Variants in SCN4A observed in about 807,000 individuals in gnomAD.
The protein encoded by SCN4A is sodium voltage-gated channel alpha subunit 4.
In SCN4A, 83 loss-of-function variants were observed where a neutral mutation model predicts 162.0. The ratio of observed to expected loss-of-function variants is 0.51; its 90% CI spans 0.43 to 0.61. The LOEUF (loss-of-function observed/expected upper bound fraction) is 0.61, where lower values mean the gene tolerates loss of function less well. Among genes scored for constraint, SCN4A ranks in the 20% least tolerant of loss-of-function variants. SCN4A has a pLI of 0.00. For missense variants in SCN4A, 2,196 were observed against 2,462.5 expected, an observed-to-expected ratio of 0.89 and a Z score of 2.29; for synonymous variants, 944 against 985.1, an observed-to-expected ratio of 0.96 and a Z score of 0.78.
intron 13 of SCN4A, among the ~76,000 whole-genome samples, chr17:63,955,999 G>A (rs941655822): frequency 6.6e-5 from 10 of 152,240 alleles, no homozygotes; most frequent in Non-Finnish European, 1.5e-4. Context: ...GCTGGGCACA[G>A]CACTGCAGGG....
At chr17:63,948,471 A>G in intron 16 of SCN4A, 140 bp downstream of exon 16, 1 of 694,714 alleles carries the variant, frequency 1.4e-6, no homozygotes, top group Non-Finnish European at 2.3e-6. Context: ...TCCCGGAGGC[A>G]CAGCGAGTTC....
chr17:63,942,811 G>T lies in SCN4A; in HGVS notation c.4288+15C>A, dbSNP rs1006841428. 19 of 1,610,366 alleles carry T rather than the reference G, an allele frequency of 1.2e-5. No individual in the cohort carries two copies. Among genetic ancestry groups the T allele is most frequent in the Non-Finnish European group, 1.6e-5 (19 of 1,177,436 alleles). On this transcript the variant is annotated intron_variant, in intron 23 of 23. Transcript: ENST00000435607. ...AGCTCAGTGCTGCCCTGCCGGTCCA[G>T]CCCGCCCCGCTCACCCACAATGGAC...
Position 63,972,569 on chromosome 17 carries a change from C to T in SCN4A, c.273G>A (p.Lys91=). ...EDLDPYYSNK[K]TFIVLNKGKA... is the part of the protein sequence containing the mutation. ...AGAGGAAGCCTTCCCAGGCCCAGACCTTCTTATTGCTGTAGTAGGGATCCA... is the reference window on the plus strand; with the variant it reads ...AGAGGAAGCCTTCCCAGGCCCAGACTTTCTTATTGCTGTAGTAGGGATCCA... Residue 91 remains lysine (K), a splice_region_variant and synonymous_variant, in exon 1 of 24, where the codon AAG becomes AAA. Coordinates refer to ENST00000435607, the MANE Select transcript of SCN4A (RefSeq NM_000334.4). The surrounding 1 kb of genome is among the most constrained non-coding windows in gnomAD (Gnocchi z 4.3). 1 of 1,593,136 alleles carries T rather than the reference C, an allele frequency of 6.3e-7. No homozygotes were observed. The highest frequency in any genetic ancestry group is 8.5e-7 in the Non-Finnish European group (1 of 1,169,596).
At position 63,959,361 on chromosome 17, in the gene SCN4A, A is replaced by G. The variant is rs543151915; in HGVS notation, c.1923T>C (p.Gly641=). The change falls in exon 12 of 24, where the codon GGT becomes GGC. Residue 641 remains glycine, a synonymous_variant. Transcript: ENST00000435607. Reference sequence around the variant, plus strand: ...CGATGATGCTGTCGAAGATATTCCAACCCTGCTGGAAATACTCGTAGGGGT... The same window carrying G: ...CGATGATGCTGTCGAAGATATTCCAGCCCTGCTGGAAATACTCGTAGGGGT... ...AMDPYEYFQQ[G]WNIFDSIIVT... is the part of the protein sequence containing the mutation. 180 of 1,613,740 alleles carry G rather than the reference A, an allele frequency of 1.1e-4. 3 individuals are homozygous for G. In the South Asian group the frequency reaches 1.5e-3, roughly 13 times the overall value.
In SCN4A at chr17:63,948,671, G is replaced by A. The variant is rs377273244; in HGVS notation, c.3084C>T (p.Val1028=). The stretch of plus-strand genomic sequence containing the variant: ...TGAAGGTCTCGAACCAGTTGTGCTC[G>A]ACAATCTTGAAGCAGGCCCTGCGCA... ...WTLRRACFKI[V]EHNWFETFIV... is the part of the protein sequence containing the mutation. The change falls in exon 16 of 24, where the codon GTC becomes GTT. Residue 1028 remains valine, a synonymous_variant. Coordinates refer to ENST00000435607, the MANE Select transcript of SCN4A (RefSeq NM_000334.4). 9 of 1,613,786 alleles carry A rather than the reference G, an allele frequency of 5.6e-6. No individual in the cohort carries two copies. Among genetic ancestry groups the A allele is most frequent in the Admixed American group, 3.3e-5 (2 of 60,006 alleles).
Position 63,949,428 on chromosome 17 carries a change from G to T in SCN4A, c.2954C>A (p.Pro985His). 1.3e-6 allele frequency: 2 copies of T among 1,599,312 alleles called. No homozygotes were observed. Among genetic ancestry groups the T allele is most frequent in the East Asian group, 2.3e-5 (1 of 44,286 alleles). Residue 985 changes from proline (P) to histidine (H), a missense_variant, in exon 15 of 24, where the codon CCC becomes CAC. Transcript: ENST00000435607. ...EDPEEQAEEN[P>H]EGEQPEECFT... is the part of the protein sequence containing the mutation. The stretch of plus-strand genomic sequence containing the variant: ...GCACTCCTCAGGCTGCTCCCCCTCG[G>T]GGTTCTCCTCTGCCTGCTCCTCAGG...
At chr17:63,962,953 C>T (rs1909313333) in intron 10 of SCN4A, among the ~76,000 whole-genome samples, 1 of 152,152 alleles carries the variant, frequency 6.6e-6, no homozygotes, top group Non-Finnish European at 1.5e-5. Flanking sequence ...CCCCCAACTC[C>T]CTGGCACAAG....
In SCN4A at chr17:63,959,154, G is replaced by A. The variant is rs139816146; in HGVS notation, c.2019+111C>T. ...GTGTGCACAAGGCAGAGGAGGCCTC[G>A]TTTTCAGCCCTCTAGCTTCCTGGGG... On this transcript the variant is annotated intron_variant, in intron 12 of 23. Transcript: ENST00000435607. 9.3e-4 allele frequency: 885 copies of A among 952,196 alleles called. 2 individuals carry two copies. Among genetic ancestry groups the A allele is most frequent in the Non-Finnish European group, 1.3e-3 (840 of 638,330 alleles). The allele number at this position is 952,196 out of a possible 1,614,324, so 59.0% of individuals were successfully genotyped here. A position where few individuals can be genotyped will look rare whatever the true frequency, so the allele number is the denominator to read the frequency against.
rs1387657968 is a variant in SCN4A at position 63,944,393 on chromosome 17, A to C, written c.3912+280T>G. ...GTGGTCTCGAACTCCTGACCTTGTG[A>C]TCCGCCCGCCTCGGCCTCCCAAAGT... is the stretch of plus-strand genomic sequence containing the variant. On this transcript the variant is annotated intron_variant, in intron 21 of 23. Coordinates refer to ENST00000435607, the MANE Select transcript of SCN4A (RefSeq NM_000334.4). This position sits in a 1 kb window ranked among gnomAD's most constrained non-coding sequence, Gnocchi z 4.3. Among the ~76,000 whole-genome samples, 1 of 151,986 alleles carries C rather than the reference A, an allele frequency of 6.6e-6. No homozygotes were observed. Among genetic ancestry groups the C allele is most frequent in the Non-Finnish European group, 1.5e-5 (1 of 68,008 alleles).
intron 7 of SCN4A, 51 bp from the exon 8 acceptor site, chr17:63,966,294 G>A: frequency 6.4e-7 from 1 of 1,572,066 alleles, no homozygotes; most frequent in East Asian, 2.3e-5. Flanking sequence ...CACTCCAGCT[G>A]GGGGCAGATA....
Position 63,951,982 on chromosome 17 carries a change from G to A in SCN4A, c.2377-82C>T, listed in dbSNP as rs1254545543. On this transcript the variant is annotated intron_variant, in intron 13 of 23. Coordinates refer to ENST00000435607, the MANE Select transcript of SCN4A (RefSeq NM_000334.4). The surrounding 1 kb of genome is among the most constrained non-coding windows in gnomAD (Gnocchi z 4.5). ...ACCTTCAGCCAGCACAGGGGTCCTC[G>A]GTCTACAGATCCAAACTACCACATG... The A allele has an allele frequency of 1.6e-5, 13 of 797,488 alleles. No individual in the cohort carries two copies. Among genetic ancestry groups the A allele is most frequent in the African/African-American group, 7.0e-5 (4 of 57,474 alleles). 49.4% of individuals were successfully genotyped at this position (797,488 alleles called of 1,614,324 possible). A position where few individuals can be genotyped will look rare whatever the true frequency, so the allele number is the denominator to read the frequency against.
chr17:63,959,251 G>A lies in SCN4A; in HGVS notation c.2019+14C>T, dbSNP rs1909168028. ...ACCCCCATCCCAGCCCCTGGCCCTG[G>A]GGCTTTTGTGTACCAGACGGAAGGA... On this transcript the variant is annotated intron_variant, in intron 12 of 23. Transcript: ENST00000435607. 2 of 1,603,654 alleles carry A rather than the reference G, an allele frequency of 1.2e-6. No homozygotes were observed. Among genetic ancestry groups the A allele is most frequent in the Non-Finnish European group, 1.7e-6 (2 of 1,172,038 alleles).
rs1231056080 is a variant in SCN4A at position 63,954,791 on chromosome 17, G to T, written c.2376+2371C>A. On this transcript the variant is annotated intron_variant, in intron 13 of 23. Transcript: ENST00000435607. ...CAAACTGGGAGAGCCACAGAGCTGGGCTGGGAAAGGATGTCAGTGGTGTGT... is the reference window on the plus strand; with the variant it reads ...CAAACTGGGAGAGCCACAGAGCTGGTCTGGGAAAGGATGTCAGTGGTGTGT... Among the ~76,000 whole-genome samples, 3 of 152,170 alleles carry T rather than the reference G, an allele frequency of 2.0e-5. 1 individual carries two copies. Among genetic ancestry groups the T allele is most frequent in the African/African-American group, 7.2e-5 (3 of 41,442 alleles).
At chr17:63,961,170 T>TCCCCCCC in intron 11 of SCN4A, 23 bp downstream of exon 11, 1 of 1,016,008 alleles carries the variant, frequency 9.8e-7, no homozygotes, top group African/African-American at 1.7e-5. Context: ...CCATGAATGA[T>TCCCCCCC]CCCCTCCCCC....
chr17:63,947,243 C>T, intron 17 of SCN4A, 76 bp from the exon 18 acceptor site: 2 of 1,573,822 alleles, frequency 1.3e-6, no homozygotes, highest in South Asian at 2.2e-5. Flanking sequence ...CGGGGGTCTT[C>T]CTGGACTCAC....
chr17:63,966,311 C>T (rs1909444026), intron 7 of SCN4A, 68 bp from the exon 8 acceptor site: 2 of 1,534,010 alleles, frequency 1.3e-6, no homozygotes, highest in East Asian at 4.7e-5. Flanking sequence ...GATAGGGACC[C>T]CAAGGGAAAA....
chr17:63,962,984 A>C (rs958121612), intron 10 of SCN4A, among the ~76,000 whole-genome samples: 1 of 152,136 alleles, frequency 6.6e-6, no homozygotes, highest in African/African-American at 2.4e-5. Flanking sequence ...CTGGGGAGGG[A>C]ACCACATCTC....
intron 15 of SCN4A, among the ~76,000 whole-genome samples, chr17:63,949,067 C>G (rs377300536): frequency 6.6e-6 from 1 of 152,234 alleles, no homozygotes; most frequent in Non-Finnish European, 1.5e-5. Flanking sequence ...GGTCTCCATC[C>G]TGCACAGCCC....
chr17:63,960,759 T>C (rs1047192889), intron 11 of SCN4A, among the ~76,000 whole-genome samples: 12 of 152,006 alleles, frequency 7.9e-5, no homozygotes, highest in Non-Finnish European at 1.0e-4. Flanking sequence ...AGCCCACTGG[T>C]CCTGGGTAGC....
Sources: allele counts gnomAD v4.1 joint callset (sites outside exome capture counted in the v4.1 genomes callset), GRCh38; gene constraint gnomAD v4.1.1; non-coding constraint Gnocchi (gnomAD v3.1); transcripts MANE v1.5; gene names NCBI Gene and HGNC (gene_info 2026-07-23, HGNC 2026-07-21).